Variants in FAM178B observed in about 807,000 individuals in gnomAD.
FAM178B encodes family with sequence similarity 178 member B.
FAM178B carries 82 observed loss-of-function variants against 91.7 expected under a neutral mutation model. The observed-to-expected ratio is 0.89, with a 90% CI of 0.75 to 1.07. The LOEUF is 1.07. Ranked by LOEUF, FAM178B falls within the 50% of genes least tolerant of loss-of-function variation. The pLI, the probability that FAM178B is intolerant of heterozygous loss-of-function variation, is 0.00. For missense variants in FAM178B, 769 were observed against 846.7 expected, an observed-to-expected ratio of 0.91 and a Z score of 1.14; for synonymous variants, 368 against 359.4, an observed-to-expected ratio of 1.02 and a Z score of -0.27.
intron 6 of FAM178B, chr2:96,956,799 G>A (rs1342764735): frequency 1.3e-5 from 2 of 152,200 alleles, no homozygotes; most frequent in Admixed American, 1.3e-4. Flanking sequence ...CATGTTCAGG[G>A]TGGCATGGCC....
chr2:96,970,663 C>T, intron 4 of FAM178B, 53 bp downstream of exon 4: 1 of 1,407,100 alleles, frequency 7.1e-7, no homozygotes. Flanking sequence ...CCCGGGACTG[C>T]TGCCAACCCT....
chr2:96,928,379 G>A (rs1259212688), intron 9 of FAM178B, among the ~76,000 whole-genome samples: 1 of 152,048 alleles, frequency 6.6e-6, no homozygotes. Flanking sequence ...GTCGCCATCC[G>A]CCCACCAGAG....
intron 5 of FAM178B, 32 bp from the exon 6 acceptor site, chr2:96,960,472 T>C: frequency 6.6e-7 from 1 of 1,512,374 alleles, no homozygotes; most frequent in Non-Finnish European, 8.9e-7. Flanking sequence ...GGGCCGGGCA[T>C]CAGCAGATGC....
At chr2:96,980,165 T>A (rs925955392) in intron 1 of FAM178B, among the ~76,000 whole-genome samples, 2 of 151,896 alleles carry the variant, frequency 1.3e-5, no homozygotes, top group African/African-American at 4.8e-5. Flanking sequence ...AACCTCCGCC[T>A]CCCCGTTTTA....
chr2:96,877,592 C>G (rs949757212), intron 16 of FAM178B, among the ~76,000 whole-genome samples: 2 of 152,268 alleles, frequency 1.3e-5, no homozygotes, highest in East Asian at 3.9e-4. Context: ...TTGGTAGAGA[C>G]GGGTTTCACC....
rs368678529 is a variant in FAM178B, at chr2:96,959,472, T to C, written c.887+816A>G. Among the ~76,000 whole-genome samples the C allele has an allele frequency of 4.8e-4, 73 of 152,320 alleles. 2 individuals carry two copies. The East Asian group carries it at 8.9e-3, about 19-fold the overall frequency. Reference sequence around the variant, plus strand: ...GAATTCATGAAATAAACATAAGCCCTGTATAACTGGAAAAGAGAGCAAGAC... The same window carrying C: ...GAATTCATGAAATAAACATAAGCCCCGTATAACTGGAAAAGAGAGCAAGAC... On this transcript the variant is annotated intron_variant, in intron 6 of 16. Coordinates refer to ENST00000490605, the MANE Select transcript of FAM178B (RefSeq NM_001122646.3).
chr2:96,878,063 C>T (rs182739169), intron 15 of FAM178B, 21 bp from the exon 16 acceptor site: 1 of 1,603,506 alleles, frequency 6.2e-7, no homozygotes, highest in Non-Finnish European at 8.5e-7. Flanking sequence ...GGAGGGAGGC[C>T]AAGAAGCGGG....
At position 96,878,052 on chromosome 2, in the gene FAM178B, C is replaced by A. The variant is rs746544555; in HGVS notation, c.1855-10G>T. On this transcript the variant is annotated splice_polypyrimidine_tract_variant and intron_variant, in intron 15 of 16. Coordinates refer to ENST00000490605, the MANE Select transcript of FAM178B (RefSeq NM_001122646.3). The stretch of plus-strand genomic sequence containing the variant: ...GCAGCTGCAGCTCGCCCTGTGGAGG[C>A]GGAGGGAGGCCAAGAAGCGGGTGTA... 6 of 1,605,934 alleles carry A rather than the reference C, an allele frequency of 3.7e-6. No individual in the cohort carries two copies. The highest frequency in any genetic ancestry group is 5.1e-6 in the Non-Finnish European group (6 of 1,179,872).
At chr2:96,971,830 G>T (rs1366832122) in intron 3 of FAM178B, 71 bp downstream of exon 3, 1 of 1,382,616 alleles carries the variant, frequency 7.2e-7, no homozygotes. Flanking sequence ...AGGGTGGCCT[G>T]GGGTGACTGT....
At chr2:96,908,358 C>G (rs1200869424) in intron 12 of FAM178B, among the ~76,000 whole-genome samples, 2 of 152,198 alleles carry the variant, frequency 1.3e-5, no homozygotes, top group African/African-American at 4.8e-5. Context: ...GAAGCCAGAC[C>G]CAAGGGAGAA....
At position 96,896,410 on chromosome 2, in the gene FAM178B, C is replaced by T. The variant is rs150179848; in HGVS notation, c.1651-2359G>A. ...CCAGCCTCTCCCCCACACACAAACC[C>T]CTCTCCAGGATAAGGGGTTGTTTGG... On this transcript the variant is annotated intron_variant, in intron 13 of 16. Transcript: ENST00000490605. 6.6e-5 allele frequency among the ~76,000 whole-genome samples: 10 copies of T among 152,224 alleles called. No homozygotes were observed. The East Asian group carries it at 1.9e-3, about 30-fold the overall frequency.
At chr2:96,909,349 C>T (rs2081112249) in intron 12 of FAM178B, among the ~76,000 whole-genome samples, 1 of 152,140 alleles carries the variant, frequency 6.6e-6, no homozygotes, top group Admixed American at 6.5e-5. Flanking sequence ...TTGCCAAAAC[C>T]TGCCCTTCTG....
intron 5 of FAM178B, among the ~76,000 whole-genome samples, chr2:96,963,577 C>T (rs1282136832): frequency 2.0e-5 from 3 of 152,198 alleles, no homozygotes; most frequent in African/African-American, 4.8e-5. Context: ...CCACCTGGGA[C>T]GGCTGCTCAA....
At position 96,877,345 on chromosome 2, in the gene FAM178B, T is replaced by G. The variant is rs75500773; in HGVS notation, c.2007+545A>C. Among the ~76,000 whole-genome samples the G allele has an allele frequency of 6.7e-4, 102 of 151,786 alleles. No individual in the cohort carries two copies. In the East Asian group the frequency reaches 0.019, roughly 29 times the overall value. On this transcript the variant is annotated intron_variant, in intron 16 of 16. Coordinates refer to ENST00000490605, the MANE Select transcript of FAM178B (RefSeq NM_001122646.3). ...CTCCAGGGTGACTTTTCTTTGCATT[T>G]CCTGAGGACTGCGCTTCTCTGTGTC...
In FAM178B at chr2:96,902,721, G is replaced by T; in HGVS notation, c.1563-14C>A. On this transcript the variant is annotated splice_polypyrimidine_tract_variant and intron_variant, in intron 12 of 16. Coordinates refer to ENST00000490605, the MANE Select transcript of FAM178B (RefSeq NM_001122646.3). Reference sequence around the variant, plus strand: ...CTTCGAAGCCGCCTGGGGGAAAAGCGACAGCCTGAGAGAGGGTGTGCTGGA... The same window carrying T: ...CTTCGAAGCCGCCTGGGGGAAAAGCTACAGCCTGAGAGAGGGTGTGCTGGA... 6.5e-7 allele frequency: 1 copy of T among 1,541,862 alleles called. No individual in the cohort carries two copies. The highest frequency in any genetic ancestry group is 1.2e-5 in the South Asian group (1 of 83,870).
At chr2:96,967,909 G>GTTTTTTT (rs1318481195) in intron 4 of FAM178B, among the ~76,000 whole-genome samples, 1 of 40,226 alleles carries the variant, frequency 2.5e-5, no homozygotes, top group Non-Finnish European at 1.0e-4. Context: ...ACCCTGTTTG[G>GTTTTTTT]TCTTTTTTTT....
intron 12 of FAM178B, among the ~76,000 whole-genome samples, chr2:96,904,259 A>G (rs1321210120): frequency 6.6e-6 from 1 of 152,096 alleles, no homozygotes; most frequent in Non-Finnish European, 1.5e-5. Flanking sequence ...GCTCAGTCCT[A>G]CGGGGGGGTG....
At chr2:96,889,216 C>T (rs2080604918) in intron 14 of FAM178B, among the ~76,000 whole-genome samples, 1 of 152,210 alleles carries the variant, frequency 6.6e-6, no homozygotes, top group Admixed American at 6.5e-5. Context: ...GGGACCATCC[C>T]CCTTTGTGGT....
At chr2:96,899,347 C>G (rs1309905794) in intron 13 of FAM178B, among the ~76,000 whole-genome samples, 1 of 152,232 alleles carries the variant, frequency 6.6e-6, no homozygotes, top group Non-Finnish European at 1.5e-5. Context: ...CTGAGGTCAT[C>G]TGGTGCTGTC....
Sources: gnomAD v4.1 joint callset for allele counts (sites outside exome capture counted in the v4.1 genomes callset) on GRCh38, gnomAD v4.1.1 for gene constraint, MANE v1.5 for transcripts, NCBI Gene and HGNC (gene_info 2026-07-23, HGNC 2026-07-21) for gene names.